The following UBP1 variants were observed in gnomAD, a reference collection of about 807,000 sequenced individuals.
The protein encoded by UBP1 is upstream-binding protein 1.
A neutral mutation model predicts 76.1 loss-of-function variants in UBP1; 22 were observed. That is an observed-to-expected ratio of 0.29 (90% CI 0.21 to 0.41). The LOEUF (loss-of-function observed/expected upper bound fraction) is 0.41, where lower values mean the gene tolerates loss of function less well. UBP1 is among the 10% of genes least tolerant of loss of function. UBP1 has a pLI of 1.00. For synonymous variants in UBP1, 224 were observed against 237.1 expected, an observed-to-expected ratio of 0.94 and a Z score of 0.51; for missense variants, 436 against 668.1, an observed-to-expected ratio of 0.65 and a Z score of 3.83.
At chr3:33,407,349 C>G (rs2044453737) in intron 8 of UBP1, among the ~76,000 whole-genome samples, 1 of 152,090 alleles carries the variant, frequency 6.6e-6, no homozygotes, top group South Asian at 2.1e-4. Context: ...ATTACCAGAA[C>G]CTACTTCTTT....
At chr3:33,425,552 A>G (rs1271812371) in intron 2 of UBP1, 38 bp downstream of exon 2, 1 of 1,477,894 alleles carries the variant, frequency 6.8e-7, no homozygotes, top group Non-Finnish European at 9.1e-7. Context: ...GTATTTCTGT[A>G]AATTCTTACA....
At position 33,439,853 on chromosome 3, in the gene UBP1, C is replaced by T. The variant is rs1206364293; in HGVS notation, c.-5G>A. The T allele has an allele frequency of 1.9e-6, 3 of 1,610,824 alleles. No homozygotes were observed. The highest frequency in any genetic ancestry group is 1.3e-5 in the African/African-American group (1 of 74,634). Reference sequence around the variant, plus strand: ...CATCTTGAGCACCCAGGCCATCTTCCGGCCTCGCCGTCGCCCCGCACACCG... The same window carrying T: ...CATCTTGAGCACCCAGGCCATCTTCTGGCCTCGCCGTCGCCCCGCACACCG... On this transcript the variant is annotated 5_prime_UTR_variant, in exon 1 of 16. Coordinates refer to ENST00000283629, the MANE Select transcript of UBP1 (RefSeq NM_014517.5).
At chr3:33,399,078 TGA>T (rs1049757005) in intron 11 of UBP1, among the ~76,000 whole-genome samples, 11 of 152,372 alleles carry the variant, frequency 7.2e-5, no homozygotes, top group African/African-American at 2.4e-4. Context: ...TTCTTCAGGC[TGA>T]GTGTGTGCAC....
At chr3:33,395,409 C>G (rs1288963906) in intron 13 of UBP1, among the ~76,000 whole-genome samples, 1 of 151,718 alleles carries the variant, frequency 6.6e-6, no homozygotes, top group Non-Finnish European at 1.5e-5. Flanking sequence ...ACCATATATC[C>G]ATACAATAAA....
chr3:33,403,584 G>GTCTGTCTATCTATCTATCTA (rs60697427), intron 8 of UBP1: 17 of 148,994 alleles, frequency 1.1e-4, no homozygotes, highest in African/African-American at 4.3e-4. Flanking sequence ...CTGTCTGTCT[G>GTCTGTCTATCTATCTATCTA]TCTATCTATC....
chr3:33,412,371 A>G (rs2044609378), intron 4 of UBP1, among the ~76,000 whole-genome samples: 2 of 152,008 alleles, frequency 1.3e-5, no homozygotes, highest in African/African-American at 4.8e-5. Flanking sequence ...ATATACATAC[A>G]TACATATATA....
At position 33,407,548 on chromosome 3, in the gene UBP1, A is replaced by T. The variant is rs1255466938; in HGVS notation, c.927+1142T>A. Among the ~76,000 whole-genome samples, 13 of 97,908 alleles carry T rather than the reference A, an allele frequency of 1.3e-4. No homozygotes were observed. The East Asian group carries it at 2.2e-3, about 16-fold the overall frequency. 64.2% of individuals were successfully genotyped at this position (97,908 alleles called of 152,430 possible). ...AACAATCTTTGATTCGAATTTATTT[A>T]AAAAAAAAAAAAAAAGCCCAGTTAA... On this transcript the variant is annotated intron_variant, in intron 8 of 15. Coordinates refer to ENST00000283629, the MANE Select transcript of UBP1 (RefSeq NM_014517.5).
At chr3:33,438,325 CAT>C (rs1213274951) in intron 1 of UBP1, among the ~76,000 whole-genome samples, 3 of 152,200 alleles carry the variant, frequency 2.0e-5, no homozygotes, top group Non-Finnish European at 2.9e-5. Context: ...AGGAGAGACA[CAT>C]ATTGAACTTG....
At chr3:33,408,900 C>A (rs1273394662) in intron 7 of UBP1, 103 bp from the exon 8 acceptor site, 1 of 1,077,632 alleles carries the variant, frequency 9.3e-7, no homozygotes. Context: ...AAATGCATGA[C>A]TAACAGGATT....
chr3:33,394,837 T>TTTA (rs1553670571), intron 13 of UBP1, among the ~76,000 whole-genome samples: 6 of 150,180 alleles, frequency 4.0e-5, no homozygotes, highest in Non-Finnish European at 7.4e-5. Flanking sequence ...TTTTTTTTTT[T>TTTA]AAATAAAGTT....
At position 33,389,050 on chromosome 3, in the gene UBP1, T is replaced by C. The variant is rs1444236491; in HGVS notation, c.*1281A>G. The C allele has an allele frequency of 6.6e-6, 1 of 152,458 alleles. No individual in the cohort carries two copies. Among genetic ancestry groups the C allele is most frequent in the Non-Finnish European group, 1.5e-5 (1 of 68,018 alleles). 9.4% of individuals were successfully genotyped at this position (152,458 alleles called of 1,614,324 possible). On this transcript the variant is annotated 3_prime_UTR_variant, in exon 16 of 16. Coordinates refer to ENST00000283629, the MANE Select transcript of UBP1 (RefSeq NM_014517.5). ...CCTACACCACAGGCCTCAAACATGC[T>C]TGCTGATGGATTCTGGGAAGGTTTT...
At position 33,408,809 on chromosome 3, in the gene UBP1, C is replaced by G; in HGVS notation, c.820-12G>C. The G allele has an allele frequency of 6.2e-7, 1 of 1,606,934 alleles. No individual in the cohort carries two copies. Among genetic ancestry groups the G allele is most frequent in the Non-Finnish European group, 8.5e-7 (1 of 1,173,980 alleles). On this transcript the variant is annotated splice_polypyrimidine_tract_variant and intron_variant, in intron 7 of 15. Coordinates refer to ENST00000283629, the MANE Select transcript of UBP1 (RefSeq NM_014517.5). ...GGCTCAAGCCTCATCTGGACAAACACCAAAGATTGGGATCAATGTCTTTTC... is the reference window on the plus strand; with the variant it reads ...GGCTCAAGCCTCATCTGGACAAACAGCAAAGATTGGGATCAATGTCTTTTC...
chr3:33,393,407 G>C lies in UBP1; in HGVS notation c.1438C>G (p.Arg480Gly). Residue 480 changes from arginine (R) to glycine (G), a missense_variant, in exon 14 of 16, where the codon CGA (arginine) becomes GGA (glycine). Arg to Gly is a moderately radical substitution (Grantham distance 125, BLOSUM62 -2). Coordinates refer to ENST00000283629, the MANE Select transcript of UBP1 (RefSeq NM_014517.5). ...LEEMIASEVA[R>G]KLALVFNIPL... is the part of the protein sequence containing the mutation. The stretch of plus-strand genomic sequence containing the variant: ...ATATTAAACACCAGCGCAAGTTTTC[G>C]AGCAACTTCTGAGGCAATCATTTCT... The C allele has an allele frequency of 6.2e-7, 1 of 1,612,606 alleles. No individual in the cohort carries two copies. Among genetic ancestry groups the C allele is most frequent in the Non-Finnish European group, 8.5e-7 (1 of 1,179,464 alleles).
intron 13 of UBP1, among the ~76,000 whole-genome samples, chr3:33,395,090 A>G (rs1045974585): frequency 1.3e-5 from 2 of 152,178 alleles, no homozygotes; most frequent in Non-Finnish European, 2.9e-5. Flanking sequence ...GCCATATCTA[A>G]GTGATGTATA....
intron 1 of UBP1, among the ~76,000 whole-genome samples, chr3:33,439,152 G>A (rs2045246947): frequency 6.6e-6 from 1 of 152,162 alleles, no homozygotes; most frequent in Non-Finnish European, 1.5e-5. Context: ...CCCTCAAGAG[G>A]AAACAGCCTG....
intron 4 of UBP1, among the ~76,000 whole-genome samples, chr3:33,412,186 CAA>C (rs1227146812): frequency 1.4e-3 from 91 of 63,420 alleles, no homozygotes; most frequent in East Asian, 0.013. Flanking sequence ...AACTCCGTCT[CAA>C]AAAAAAAAAA....
At chr3:33,400,012 T>C (rs540890037) in intron 11 of UBP1, among the ~76,000 whole-genome samples, 177 bp downstream of exon 11, 1 of 152,320 alleles carries the variant, frequency 6.6e-6, no homozygotes, top group East Asian at 1.9e-4. Flanking sequence ...CAATAGCATA[T>C]AATAAAAATA....
At chr3:33,396,393 G>A in intron 12 of UBP1, 113 bp from the exon 13 acceptor site, 1 of 740,962 alleles carries the variant, frequency 1.3e-6, no homozygotes, top group Non-Finnish European at 2.2e-6. Context: ...ACTTTATAAT[G>A]TTATTTCGTT....
At chr3:33,428,562 CATGA>C (rs1303333194) in intron 1 of UBP1, among the ~76,000 whole-genome samples, 1 of 152,034 alleles carries the variant, frequency 6.6e-6, no homozygotes, top group African/African-American at 2.4e-5. Flanking sequence ...TTATAGTCTC[CATGA>C]TCCACACAGA....
Sources: allele counts gnomAD v4.1 joint callset (sites outside exome capture counted in the v4.1 genomes callset), GRCh38; gene constraint gnomAD v4.1.1; transcripts MANE v1.5; gene names NCBI Gene and HGNC (gene_info 2026-07-23, HGNC 2026-07-21).